The following PPM1L variants were observed in gnomAD, a reference collection of about 807,000 sequenced individuals.
PPM1L encodes protein phosphatase, Mg2+/Mn2+ dependent 1L, also known as protein phosphatase 1L.
Under a neutral mutation model 31.4 loss-of-function variants are expected in PPM1L, and 13 were observed. The observed-to-expected ratio is 0.41, with a 90% CI of 0.27 to 0.66. PPM1L has a LOEUF of 0.66. PPM1L is among the 30% of genes least tolerant of loss of function. The pLI, the probability that PPM1L is intolerant of heterozygous loss-of-function variation, is 0.29. For missense variants in PPM1L, 326 were observed against 453.7 expected, an observed-to-expected ratio of 0.72 and a Z score of 2.56; for synonymous variants, 184 against 175.4, an observed-to-expected ratio of 1.05 and a Z score of -0.39.
intron 2 of PPM1L, among the ~76,000 whole-genome samples, chr3:161,016,720 C>A (rs1418545474): frequency 6.6e-6 from 1 of 152,110 alleles, no homozygotes; most frequent in Non-Finnish European, 1.5e-5. Context: ...GGAGGCTACC[C>A]TGGTAGGACA....
Position 161,032,350 on chromosome 3 carries a change from G to T in PPM1L, c.575-33053G>T, listed in dbSNP as rs760037725. ...GTACGAAAAATGTATTACAAGGGCT[G>T]TCTTTACACATAAATGGAGTTGCTC... On this transcript the variant is annotated intron_variant, in intron 2 of 3. Transcript: ENST00000498165. Among the ~76,000 whole-genome samples the T allele has an allele frequency of 2.0e-5, 3 of 152,174 alleles. No homozygotes were observed. The East Asian group carries it at 5.8e-4, about 29-fold the overall frequency.
intron 1 of PPM1L, among the ~76,000 whole-genome samples, chr3:160,883,881 CAAAAAAA>C (rs36011243): frequency 2.8e-5 from 3 of 106,384 alleles, no homozygotes; most frequent in South Asian, 3.5e-4. Context: ...CTTGTCTCTA[CAAAAAAA>C]AAAAAAAAAA....
chr3:160,977,599 GAAGT>G (rs895421545), intron 2 of PPM1L, among the ~76,000 whole-genome samples: 1 of 152,056 alleles, frequency 6.6e-6, no homozygotes, highest in Non-Finnish European at 1.5e-5. Flanking sequence ...TTCAAGGAAG[GAAGT>G]AACACAAATT....
chr3:160,888,604 C>G (rs1713019628), intron 1 of PPM1L, among the ~76,000 whole-genome samples: 1 of 152,084 alleles, frequency 6.6e-6, no homozygotes, highest in African/African-American at 2.4e-5. Context: ...TCCCCACTGT[C>G]AATATTAGAT....
At chr3:160,783,530 A>T (rs1291686117) in intron 1 of PPM1L, among the ~76,000 whole-genome samples, 5 of 150,040 alleles carry the variant, frequency 3.3e-5, no homozygotes, top group Non-Finnish European at 5.9e-5. Context: ...AACCCTGGAG[A>T]TGGAGGTTGC....
chr3:160,794,512 C>T (rs1465931185), intron 1 of PPM1L, among the ~76,000 whole-genome samples: 1 of 152,146 alleles, frequency 6.6e-6, no homozygotes, highest in Non-Finnish European at 1.5e-5. Context: ...GTTTGATTTG[C>T]ATATTTTTAT....
chr3:160,929,776 C>G (rs1427046567), intron 1 of PPM1L, among the ~76,000 whole-genome samples: 1 of 152,236 alleles, frequency 6.6e-6, no homozygotes, highest in African/African-American at 2.4e-5. Context: ...CTCTCTCCCC[C>G]TTGTGGCTCG....
At chr3:160,888,003 A>C (rs1249277336) in intron 1 of PPM1L, among the ~76,000 whole-genome samples, 2 of 152,184 alleles carry the variant, frequency 1.3e-5, no homozygotes, top group African/African-American at 2.4e-5. Flanking sequence ...CATTATCACT[A>C]GGCCTGCCTT....
At chr3:160,981,985 C>T (rs1391652738) in intron 2 of PPM1L, among the ~76,000 whole-genome samples, 4 of 152,018 alleles carry the variant, frequency 2.6e-5, no homozygotes, top group African/African-American at 9.7e-5. Flanking sequence ...AGGGTGGTCT[C>T]AAACTCCTGA....
At chr3:161,032,313 A>T (rs1371531674) in intron 2 of PPM1L, among the ~76,000 whole-genome samples, 1 of 152,200 alleles carries the variant, frequency 6.6e-6, no homozygotes, top group African/African-American at 2.4e-5. Context: ...ATAATTTGTG[A>T]ATACTCAAAG....
chr3:161,066,658 T>G (rs1719750207), intron 3 of PPM1L, among the ~76,000 whole-genome samples: 1 of 152,212 alleles, frequency 6.6e-6, no homozygotes, highest in Non-Finnish European at 1.5e-5. Flanking sequence ...GGATGTATGC[T>G]CTTCATGATG....
intron 2 of PPM1L, among the ~76,000 whole-genome samples, chr3:160,962,278 A>G (rs1030095789): frequency 1.3e-5 from 2 of 151,746 alleles, no homozygotes; most frequent in African/African-American, 2.4e-5. Context: ...TTTCTTTTCT[A>G]AAGAGGTATT....
At chr3:160,913,393 A>C (rs1008534965) in intron 1 of PPM1L, among the ~76,000 whole-genome samples, 3 of 152,198 alleles carry the variant, frequency 2.0e-5, no homozygotes, top group African/African-American at 7.2e-5. Flanking sequence ...ACTACTTTTT[A>C]AAATCACTTT....
chr3:160,922,288 T>G (rs561360755), intron 1 of PPM1L, among the ~76,000 whole-genome samples: 2 of 152,102 alleles, frequency 1.3e-5, no homozygotes, highest in Non-Finnish European at 2.9e-5. Context: ...CCAGCCTGGG[T>G]GACAAAGCGA....
chr3:161,003,404 C>T (rs543191484), intron 2 of PPM1L, among the ~76,000 whole-genome samples: 5 of 151,988 alleles, frequency 3.3e-5, no homozygotes, highest in African/African-American at 9.7e-5. Context: ...ATGGGGATGG[C>T]GTTGAATCTA....
intron 2 of PPM1L, among the ~76,000 whole-genome samples, chr3:160,983,666 T>A (rs1357204036): frequency 2.6e-5 from 4 of 152,228 alleles, no homozygotes; most frequent in Non-Finnish European, 1.5e-5. Context: ...TGGCGATCAG[T>A]GCATCATTGC....
At chr3:161,012,514 A>C (rs1305002990) in intron 2 of PPM1L, among the ~76,000 whole-genome samples, 1 of 151,944 alleles carries the variant, frequency 6.6e-6, no homozygotes, top group Non-Finnish European at 1.5e-5. Flanking sequence ...CTTTGGTATC[A>C]GGATGATGCT....
chr3:160,919,785 GT>G (rs1248339879), intron 1 of PPM1L, among the ~76,000 whole-genome samples: 1 of 152,170 alleles, frequency 6.6e-6, no homozygotes, highest in Non-Finnish European at 1.5e-5. Flanking sequence ...GCTTATTTCT[GT>G]TTTGCATTAG....
intron 1 of PPM1L, among the ~76,000 whole-genome samples, chr3:160,791,621 A>T (rs1028995945): frequency 1.3e-5 from 2 of 152,184 alleles, no homozygotes; most frequent in South Asian, 2.1e-4. Flanking sequence ...CCCTGTGCTT[A>T]TGAAATTTGC....
Sources: allele counts gnomAD v4.1 joint callset (sites outside exome capture counted in the v4.1 genomes callset), GRCh38; gene constraint gnomAD v4.1.1; transcripts MANE v1.5; gene names NCBI Gene and HGNC (gene_info 2026-07-23, HGNC 2026-07-21).